RYR2: variants seen among roughly 807,000 people sequenced by gnomAD.
RYR2 encodes the protein cardiac muscle ryanodine receptor-calcium release channel.
RYR2 carries 227 observed loss-of-function variants against 601.1 expected under a neutral mutation model. The observed-to-expected ratio is 0.38, with a 90% CI of 0.34 to 0.42. The LOEUF is 0.42. Among genes scored for constraint, RYR2 ranks in the 10% least tolerant of loss-of-function variants. RYR2 has a pLI of 1.00. For missense variants in RYR2, 4,646 were observed against 6,156.5 expected, an observed-to-expected ratio of 0.75 and a Z score of 8.21; for synonymous variants, 2,223 against 2,175.1, an observed-to-expected ratio of 1.02 and a Z score of -0.61.
chr1:237,706,897 T>A, intron 67 of RYR2, 52 bp from the exon 68 acceptor site: 1 of 1,459,284 alleles, frequency 6.9e-7, no homozygotes, highest in East Asian at 2.3e-5. Flanking sequence ...ATCCGCCATA[T>A]CATCTCAGTA....
intron 3 of RYR2, among the ~76,000 whole-genome samples, chr1:237,351,854 CAAAAA>C (rs33955032): frequency 1.2e-4 from 5 of 40,930 alleles, no homozygotes; most frequent in African/African-American, 1.7e-4. Context: ...AAAGACCATG[CAAAAA>C]AAAAAAAAAA....
At chr1:237,061,576 A>G (rs769553965) in intron 1 of RYR2, among the ~76,000 whole-genome samples, 1 of 152,176 alleles carries the variant, frequency 6.6e-6, no homozygotes, top group Admixed American at 6.5e-5. Flanking sequence ...TAGGATTACA[A>G]ATGTGAGCCA....
chr1:237,424,836 C>A (rs1705981970), intron 12 of RYR2, among the ~76,000 whole-genome samples: 1 of 152,100 alleles, frequency 6.6e-6, no homozygotes, highest in Non-Finnish European at 1.5e-5. Flanking sequence ...ATTTATTGAA[C>A]TTTGAAGGTG....
At chr1:237,621,234 T>A (rs74647729) in intron 38 of RYR2, among the ~76,000 whole-genome samples, 4,651 of 152,216 alleles carry the variant, frequency 0.031, 227 homozygotes, top group African/African-American at 0.11. Context: ...CACATCACAT[T>A]TGAAAATTTT....
At chr1:237,099,024 C>T (rs973745748) in intron 1 of RYR2, among the ~76,000 whole-genome samples, 2 of 151,992 alleles carry the variant, frequency 1.3e-5, no homozygotes, top group Non-Finnish European at 2.9e-5. Flanking sequence ...TTCTCACCTG[C>T]GGGGACAACA....
Position 237,495,081 on chromosome 1 carries a change from A to G in RYR2, c.1962-1430A>G, listed in dbSNP as rs188937965. Among the ~76,000 whole-genome samples, 944 of 152,186 alleles carry G rather than the reference A, an allele frequency of 6.2e-3. 33 individuals carry two copies. The highest frequency in any genetic ancestry group is 0.052 in the Admixed American group (795 of 15,272). On this transcript the variant is annotated intron_variant, in intron 19 of 104. Transcript: ENST00000366574. ...TGGGATTACAGGTGTGAGCCACTGC[A>G]CCCAGCTAATGTGTTTTTTAAAAAT...
At chr1:237,399,021 CTG>C (rs1254161477) in intron 10 of RYR2, among the ~76,000 whole-genome samples, 2 of 152,098 alleles carry the variant, frequency 1.3e-5, no homozygotes, top group East Asian at 3.9e-4. Flanking sequence ...TGGTAAAACC[CTG>C]TCTCTATTAA....
At chr1:237,768,255 C>T (rs904502261) in intron 84 of RYR2, among the ~76,000 whole-genome samples, 4 of 152,144 alleles carry the variant, frequency 2.6e-5, no homozygotes, top group Non-Finnish European at 5.9e-5. Flanking sequence ...CTTTATTCAG[C>T]AGCTTGGCAT....
At chr1:237,172,107 C>T (rs1165998862) in intron 1 of RYR2, among the ~76,000 whole-genome samples, 3 of 152,202 alleles carry the variant, frequency 2.0e-5, no homozygotes, top group Non-Finnish European at 4.4e-5. Context: ...TTCTTACTAG[C>T]ACTATCGGGA....
At chr1:237,605,025 C>T (rs1676951056) in intron 35 of RYR2, among the ~76,000 whole-genome samples, 1 of 152,106 alleles carries the variant, frequency 6.6e-6, no homozygotes, top group Non-Finnish European at 1.5e-5. Context: ...CCTTCTGAAA[C>T]TATTCCAATC....
chr1:237,465,512 C>T (rs1357987617), intron 16 of RYR2, among the ~76,000 whole-genome samples: 1 of 152,132 alleles, frequency 6.6e-6, no homozygotes, highest in Non-Finnish European at 1.5e-5. Context: ...GTCACTTACT[C>T]ATGGGAACAG....
chr1:237,083,222 GAGAGAAAATTCCTCACGACCATGT>G (rs1246541737), intron 1 of RYR2, among the ~76,000 whole-genome samples: 1 of 152,102 alleles, frequency 6.6e-6, no homozygotes, highest in Non-Finnish European at 1.5e-5. Flanking sequence ...TTTGAAGTGA[GAGAGAAAATTCCTCACGACCATGT>G]AGAAGTTTCC....
chr1:237,687,757 T>C (rs533926562), intron 63 of RYR2, among the ~76,000 whole-genome samples: 2 of 152,210 alleles, frequency 1.3e-5, no homozygotes, highest in Admixed American at 6.5e-5. Flanking sequence ...AAAGAGCAAA[T>C]GAATGAAAAT....
In RYR2 at chr1:237,610,550, A is replaced by G. The variant is rs1200037769; in HGVS notation, c.4684-212A>G. Among the ~76,000 whole-genome samples, 1 of 152,188 alleles carries G rather than the reference A, an allele frequency of 6.6e-6. No homozygotes were observed. The highest frequency in any genetic ancestry group is 1.5e-5 in the Non-Finnish European group (1 of 68,022). ...CCCGAAACCTGTTTGACTGCCCGGA[A>G]GGTGTAGGTATTCTCTCTCATAATG... On this transcript the variant is annotated intron_variant, in intron 35 of 104. Transcript: ENST00000366574. This position sits in a 1 kb window ranked among gnomAD's most constrained non-coding sequence, Gnocchi z 4.9.
At chr1:237,708,074 G>A (rs887966989) in intron 68 of RYR2, among the ~76,000 whole-genome samples, 21 of 151,518 alleles carry the variant, frequency 1.4e-4, no homozygotes, top group African/African-American at 2.2e-4. Flanking sequence ...GAGCCACCAC[G>A]TCTATGTCAT....
intron 1 of RYR2, among the ~76,000 whole-genome samples, chr1:237,173,094 A>T (rs565638508): frequency 1.3e-5 from 2 of 152,286 alleles, no homozygotes; most frequent in East Asian, 1.9e-4. Context: ...AAATTTGCAG[A>T]TGAGGAAAAA....
chr1:237,299,787 A>T lies in RYR2; in HGVS notation c.168+29171A>T, dbSNP rs10925360. Among the ~76,000 whole-genome samples, 1,173 of 152,330 alleles carry T rather than the reference A, an allele frequency of 7.7e-3. 11 individuals carry two copies. Among genetic ancestry groups the T allele is most frequent in the African/African-American group, 0.026 (1,074 of 41,572 alleles). ...ATGTGGTGCTGTTATACTCCGAACC[A>T]ATCTAATGGGCTTTAATTATGCCAA... is the stretch of plus-strand genomic sequence containing the variant. On this transcript the variant is annotated intron_variant, in intron 2 of 104. Coordinates refer to ENST00000366574, the MANE Select transcript of RYR2 (RefSeq NM_001035.3).
chr1:237,774,296 A>T (rs931892012), intron 87 of RYR2, among the ~76,000 whole-genome samples: 1 of 152,164 alleles, frequency 6.6e-6, no homozygotes, highest in Non-Finnish European at 1.5e-5. Context: ...CATGCTAAGG[A>T]TAAAACAGGA....
At chr1:237,713,753 A>G (rs1023194898) in intron 71 of RYR2, among the ~76,000 whole-genome samples, 1 of 152,172 alleles carries the variant, frequency 6.6e-6, no homozygotes, top group African/African-American at 2.4e-5. Context: ...AGCATTTATT[A>G]CAAGTTCTCT....
Sources: allele counts gnomAD v4.1 joint callset (sites outside exome capture counted in the v4.1 genomes callset), GRCh38; gene constraint gnomAD v4.1.1; non-coding constraint Gnocchi (gnomAD v3.1); transcripts MANE v1.5; gene names NCBI Gene and HGNC (gene_info 2026-07-23, HGNC 2026-07-21).